SLC35F4: variants seen among roughly 807,000 people sequenced by gnomAD.
The protein encoded by SLC35F4 is chromosome 14 open reading frame 36.
Under a neutral mutation model 44.2 loss-of-function variants are expected in SLC35F4, and 24 were observed. That is an observed-to-expected ratio of 0.54 (90% CI 0.39 to 0.76). The LOEUF (loss-of-function observed/expected upper bound fraction) is 0.76. Ranked by LOEUF, SLC35F4 falls within the 30% of genes least tolerant of loss-of-function variation. The pLI, the probability that SLC35F4 is intolerant of heterozygous loss-of-function variation, is 0.00. For synonymous variants in SLC35F4, 238 were observed against 223.6 expected (o/e 1.06, Z -0.57); for missense variants, 562 against 586.1 (o/e 0.96, Z 0.42).
chr14:57,829,555 G>T (rs1566887700), intron 1 of SLC35F4, among the ~76,000 whole-genome samples: 1 of 152,208 alleles, frequency 6.6e-6, no homozygotes, highest in Non-Finnish European at 1.5e-5. Flanking sequence ...AGGAAAGATG[G>T]TGTCACTCTG....
intron 1 of SLC35F4, among the ~76,000 whole-genome samples, chr14:57,711,404 T>C (rs1392020298): frequency 3.9e-5 from 6 of 152,102 alleles, no homozygotes; most frequent in Non-Finnish European, 7.4e-5. Flanking sequence ...CTGATACACA[T>C]GGGAACACTA....
chr14:57,652,180 A>G (rs181199612), intron 1 of SLC35F4, among the ~76,000 whole-genome samples: 1 of 152,342 alleles, frequency 6.6e-6, no homozygotes, highest in East Asian at 1.9e-4. Context: ...AAGTATGGAA[A>G]AGACTAGAAT....
chr14:57,731,212 G>A (rs1031330629), intron 1 of SLC35F4, among the ~76,000 whole-genome samples: 6 of 152,130 alleles, frequency 3.9e-5, no homozygotes, highest in African/African-American at 1.4e-4. Context: ...ACACACTAAA[G>A]GTGGGGTCAG....
intron 1 of SLC35F4, among the ~76,000 whole-genome samples, chr14:57,978,739 T>G (rs1881288262): frequency 6.6e-6 from 1 of 152,198 alleles, no homozygotes; most frequent in South Asian, 2.1e-4. Flanking sequence ...GAATTTATGT[T>G]TTCTCACCCT....
intron 1 of SLC35F4, among the ~76,000 whole-genome samples, chr14:57,739,215 C>A (rs1363914103): frequency 1.3e-5 from 2 of 152,154 alleles, no homozygotes; most frequent in African/African-American, 4.8e-5. Flanking sequence ...ATTTCAACTT[C>A]TCTTGGTGTC....
At chr14:57,692,470 A>G (rs1456896009) in intron 1 of SLC35F4, among the ~76,000 whole-genome samples, 1 of 152,106 alleles carries the variant, frequency 6.6e-6, no homozygotes, top group Non-Finnish European at 1.5e-5. Context: ...TTGGAAAATC[A>G]GTCTTGTTTG....
At chr14:57,888,656 C>G (rs1222057926) in intron 1 of SLC35F4, among the ~76,000 whole-genome samples, 1 of 152,082 alleles carries the variant, frequency 6.6e-6, no homozygotes, top group Admixed American at 6.5e-5. Context: ...ATTGGGAAAA[C>G]AGAGAGCCAT....
intron 1 of SLC35F4, among the ~76,000 whole-genome samples, chr14:57,757,072 C>T (rs1472218750): frequency 6.6e-6 from 1 of 152,048 alleles, no homozygotes; most frequent in African/African-American, 2.4e-5. Context: ...TTTTGAAGTT[C>T]TATTATTAGG....
intron 1 of SLC35F4, among the ~76,000 whole-genome samples, chr14:57,817,542 G>A (rs1384975249): frequency 6.6e-6 from 1 of 152,140 alleles, no homozygotes; most frequent in Non-Finnish European, 1.5e-5. Context: ...CTCTGCTGTG[G>A]CAGGAACGAG....
downstream of SLC35F4, among the ~76,000 whole-genome samples, chr14:57,973,861 G>A (rs528517342): frequency 2.0e-5 from 3 of 151,974 alleles, no homozygotes; most frequent in Non-Finnish European, 2.9e-5. Context: ...AGAACATCTC[G>A]AGGTATGTAT....
chr14:57,983,142 G>T (rs77339342), upstream of SLC35F4, among the ~76,000 whole-genome samples: 2,703 of 152,338 alleles, frequency 0.018, 41 homozygotes, highest in Non-Finnish European at 0.023. Flanking sequence ...TTACTGCAAG[G>T]CTGCCAAGCA....
At chr14:57,873,949 T>C (rs1450637293) in intron 1 of SLC35F4, among the ~76,000 whole-genome samples, 3 of 152,144 alleles carry the variant, frequency 2.0e-5, no homozygotes, top group African/African-American at 7.2e-5. Flanking sequence ...TCATAAATAA[T>C]AAAACAGGGC....
chr14:57,622,481 A>C (rs1275264015), intron 1 of SLC35F4, among the ~76,000 whole-genome samples: 1 of 149,184 alleles, frequency 6.7e-6, no homozygotes, highest in African/African-American at 2.5e-5. Context: ...ATGGAATACT[A>C]TGCAGCCATA....
chr14:57,841,311 G>C (rs1369773065), intron 1 of SLC35F4, among the ~76,000 whole-genome samples: 1 of 152,098 alleles, frequency 6.6e-6, no homozygotes, highest in African/African-American at 2.4e-5. Context: ...CAGGCAAAAG[G>C]GGTTTGGATT....
chr14:57,807,058 A>C (rs1409101146), intron 1 of SLC35F4, among the ~76,000 whole-genome samples: 2 of 152,242 alleles, frequency 1.3e-5, no homozygotes, highest in Non-Finnish European at 2.9e-5. Context: ...ATCATTGATA[A>C]ATTTTATGCA....
intron 2 of SLC35F4, among the ~76,000 whole-genome samples, chr14:57,592,257 ATTT>A (rs2139913089): frequency 6.6e-6 from 1 of 152,342 alleles, no homozygotes; most frequent in South Asian, 2.1e-4. Flanking sequence ...CATTGAGTAC[ATTT>A]TTAAATTCCT....
chr14:57,705,334 T>C (rs1307194008), intron 1 of SLC35F4, among the ~76,000 whole-genome samples: 2 of 152,138 alleles, frequency 1.3e-5, no homozygotes, highest in African/African-American at 4.8e-5. Flanking sequence ...ACAATACAAA[T>C]AGCAATTCTA....
chr14:57,753,434 C>T (rs1449358175), intron 1 of SLC35F4, among the ~76,000 whole-genome samples: 1 of 152,114 alleles, frequency 6.6e-6, no homozygotes, highest in East Asian at 1.9e-4. Context: ...TCCTCAGAGG[C>T]ACTCTTCTGT....
chr14:57,727,921 G>A (rs1471819028), intron 1 of SLC35F4, among the ~76,000 whole-genome samples: 1 of 152,206 alleles, frequency 6.6e-6, no homozygotes, highest in Non-Finnish European at 1.5e-5. Context: ...TGAAGATTAA[G>A]TCCAATGTTT....
Sources: gnomAD v4.1 joint callset for allele counts (sites outside exome capture counted in the v4.1 genomes callset) on GRCh38, gnomAD v4.1.1 for gene constraint, MANE v1.5 for transcripts, NCBI Gene and HGNC (gene_info 2026-07-23, HGNC 2026-07-21) for gene names.